The following CLINT1 variants were observed in gnomAD, a reference collection of about 807,000 sequenced individuals.
CLINT1 encodes clathrin interactor 1.
CLINT1 carries 15 observed loss-of-function variants against 70.4 expected under a neutral mutation model. The observed-to-expected ratio is 0.21, with a 90% CI of 0.14 to 0.33. The LOEUF is 0.33. Ranked by LOEUF, CLINT1 falls within the 10% of genes least tolerant of loss-of-function variation. The pLI, the probability that CLINT1 is intolerant of heterozygous loss-of-function variation, is 1.00. For synonymous variants in CLINT1, 227 were observed against 254.7 expected (o/e 0.89, Z 1.04); for missense variants, 615 against 778.1 (o/e 0.79, Z 2.49).
chr5:157,809,796 T>C lies in CLINT1; in HGVS notation c.527A>G (p.Tyr176Cys). The C allele has an allele frequency of 1.2e-6, 2 of 1,612,576 alleles. No individual in the cohort carries two copies. Among genetic ancestry groups the C allele is most frequent in the Non-Finnish European group, 8.5e-7 (1 of 1,179,282 alleles). The change falls in exon 6 of 12, where the codon TAT becomes TGT. Residue 176 changes from tyrosine (Y) to cysteine (C), a missense_variant. By Grantham distance (194) the Tyr-to-Cys change is radical (BLOSUM62 -2). Transcript: ENST00000411809. ...CCATTTTGATTTGGGCTCAGGATCATATCTTTCACCTAGATAGAGCATTAA... is the reference window on the plus strand; with the variant it reads ...CCATTTTGATTTGGGCTCAGGATCACATCTTTCACCTAGATAGAGCATTAA... ...SVGGFRYSER[Y>C]DPEPKSKWDE...
At chr5:157,792,764 T>C (rs1201454969) in intron 9 of CLINT1, among the ~76,000 whole-genome samples, 1 of 152,196 alleles carries the variant, frequency 6.6e-6, no homozygotes, top group Non-Finnish European at 1.5e-5. Context: ...AAATCCATAC[T>C]CTTAATCACT....
At chr5:157,809,511 AAG>A in intron 6 of CLINT1, 115 bp downstream of exon 6, 4 of 728,850 alleles carry the variant, frequency 5.5e-6, no homozygotes, top group East Asian at 3.1e-5. Context: ...AAAAAAAAAA[AAG>A]GCCCAATTTC....
Position 157,791,709 on chromosome 5 carries a change from T to G in CLINT1, c.1374A>C (p.Arg458Ser). The G allele has an allele frequency of 6.2e-7, 1 of 1,609,670 alleles. No homozygotes were observed. The highest frequency in any genetic ancestry group is 8.5e-7 in the Non-Finnish European group (1 of 1,177,454). Residue 458 changes from arginine (R) to serine (S), a missense_variant, in exon 10 of 12, where the codon AGA (arginine) becomes AGC (serine). Physicochemically the swap from Arg to Ser is moderately radical, Grantham distance 110 (BLOSUM62 -1). Transcript: ENST00000411809. ...NTVGLGLPMS[R>S]SQNTDMVQKS... ...AGGGAACCAGACAACTTACCTGTGA[T>G]CTTGACATAGGCAAACCAAGTCCCA...
At chr5:157,846,348 T>A (rs1360618520) in intron 1 of CLINT1, among the ~76,000 whole-genome samples, 2 of 151,562 alleles carry the variant, frequency 1.3e-5, no homozygotes, top group African/African-American at 4.9e-5. Context: ...ATGGAGAAAG[T>A]TTGAGTGGTT....
At chr5:157,794,702 A>T (rs1302224645) in intron 9 of CLINT1, among the ~76,000 whole-genome samples, 196 bp downstream of exon 9, 1 of 152,248 alleles carries the variant, frequency 6.6e-6, no homozygotes, top group South Asian at 2.1e-4. Flanking sequence ...GTACCTGAGT[A>T]GTCTGTAACC....
rs1392752555 is a variant in CLINT1, at chr5:157,787,870, T to C, written c.1654A>G (p.Ser552Gly). 6.2e-7 allele frequency: 1 copy of C among 1,613,774 alleles called. No individual in the cohort carries two copies. Among genetic ancestry groups the C allele is most frequent in the Admixed American group, 1.7e-5 (1 of 59,978 alleles). ...NALIGGPMPM[S>G]MPNVMTGTMG... is the part of the protein sequence containing the mutation. Reference sequence around the variant, plus strand: ...GTGCCAGTCATCACATTGGGCATGCTCATAGGCATGGGTCCCCCTATCAAA... The same window carrying C: ...GTGCCAGTCATCACATTGGGCATGCCCATAGGCATGGGTCCCCCTATCAAA... The change falls in exon 12 of 12, where the codon AGC (serine) becomes GGC (glycine). Residue 552 changes from serine to glycine, a missense_variant. This residue lies in a region of CLINT1 where 374 missense variants were observed against 409.6 expected (regional missense o/e 0.91). Transcript: ENST00000411809.
intron 8 of CLINT1, among the ~76,000 whole-genome samples, chr5:157,800,691 A>G (rs541931565): frequency 2.0e-5 from 3 of 152,298 alleles, no homozygotes; most frequent in African/African-American, 7.2e-5. Flanking sequence ...GAAACCTCCT[A>G]GATTTCATTC....
At chr5:157,849,578 T>C (rs1305522344) in intron 1 of CLINT1, among the ~76,000 whole-genome samples, 1 of 152,234 alleles carries the variant, frequency 6.6e-6, no homozygotes, top group Non-Finnish European at 1.5e-5. Context: ...GTTTACATGA[T>C]GTCTTGTAAA....
chr5:157,802,530 C>T (rs932572854), intron 8 of CLINT1, among the ~76,000 whole-genome samples: 1 of 150,138 alleles, frequency 6.7e-6, no homozygotes, highest in East Asian at 2.0e-4. Context: ...AGTTCTTTTG[C>T]TGTAGCCCTC....
intron 8 of CLINT1, among the ~76,000 whole-genome samples, chr5:157,801,898 G>GTTT (rs35066308): frequency 6.8e-6 from 1 of 146,310 alleles, no homozygotes; most frequent in Non-Finnish European, 1.5e-5. Context: ...TTAAGTTAAA[G>GTTT]TTTTTTTTTT....
At chr5:157,802,359 G>A (rs370123829) in intron 8 of CLINT1, among the ~76,000 whole-genome samples, 17 of 152,024 alleles carry the variant, frequency 1.1e-4, no homozygotes, top group Non-Finnish European at 1.8e-4. Flanking sequence ...ATTTTGACAC[G>A]TCACACAATA....
rs1365325919 is a variant in CLINT1, at chr5:157,858,511, CAG to C, written c.41+417_41+418del. 2.6e-5 allele frequency among the ~76,000 whole-genome samples: 4 copies of C among 152,320 alleles called. No homozygotes were observed. In the East Asian group the frequency reaches 5.8e-4, roughly 22 times the overall value. ...TCTCCGTACTACACCTTGAGGGACA[CAG>C]GGAACCAGTGCATTGTGCCCCCCAC... On this transcript the variant is annotated intron_variant, in intron 1 of 11. Transcript: ENST00000411809.
At chr5:157,844,310 C>T (rs1347297671) in intron 1 of CLINT1, among the ~76,000 whole-genome samples, 2 of 152,014 alleles carry the variant, frequency 1.3e-5, no homozygotes, top group African/African-American at 4.8e-5. Flanking sequence ...TAATATGGAC[C>T]TTCTTTCGTT....
intron 3 of CLINT1, among the ~76,000 whole-genome samples, chr5:157,815,749 A>C (rs756740043): frequency 6.6e-6 from 1 of 152,328 alleles, no homozygotes; most frequent in South Asian, 2.1e-4. Flanking sequence ...CTACACACTG[A>C]CAATCTATAA....
At chr5:157,850,455 C>T (rs1753533674) in intron 1 of CLINT1, among the ~76,000 whole-genome samples, 1 of 151,378 alleles carries the variant, frequency 6.6e-6, no homozygotes, top group South Asian at 2.1e-4. Flanking sequence ...CCTATCTCTA[C>T]AAAAAATTAG....
intron 11 of CLINT1, 57 bp downstream of exon 11, chr5:157,789,306 C>A: frequency 6.9e-7 from 1 of 1,445,838 alleles, no homozygotes. Context: ...GTAGTCCTGG[C>A]ATTAAGGCAA....
In CLINT1 at chr5:157,787,995, AC is replaced by A; in HGVS notation, c.1532-4del. The A allele has an allele frequency of 4.4e-6, 7 of 1,597,324 alleles. No homozygotes were observed. Among genetic ancestry groups the A allele is most frequent in the Non-Finnish European group, 6.0e-6 (7 of 1,170,646 alleles). On this transcript the variant is annotated splice_region_variant and splice_polypyrimidine_tract_variant and intron_variant, in intron 11 of 11. Transcript: ENST00000411809. ...CACATTCATAGGCTGCTGCATATCT[AC>A]CAGACGAAAACAGACAGAAGAACTT...
chr5:157,813,198 T>C lies in CLINT1; in HGVS notation c.382A>G (p.Ile128Val), dbSNP rs751527973. The C allele has an allele frequency of 6.2e-7, 1 of 1,613,506 alleles. No individual in the cohort carries two copies. Among genetic ancestry groups the C allele is most frequent in the Non-Finnish European group, 8.5e-7 (1 of 1,179,824 alleles). ...ACCAATTCCTTCACCTTCTGTCGAA[T>C]ATTTATACCTTGATCCTTACCATGC... is the stretch of plus-strand genomic sequence containing the variant. ...DEHGKDQGIN[I>V]RQKVKELVEF... Residue 128 changes from isoleucine to valine, a missense_variant, in exon 5 of 12, where the codon ATT becomes GTT. Transcript: ENST00000411809.
At chr5:157,819,611 G>A (rs1024690378) in intron 1 of CLINT1, among the ~76,000 whole-genome samples, 1 of 152,210 alleles carries the variant, frequency 6.6e-6, no homozygotes, top group Non-Finnish European at 1.5e-5. Context: ...ATGAATTTCA[G>A]AATGCTTTTG....
Sources: gnomAD v4.1 joint callset for allele counts (sites outside exome capture counted in the v4.1 genomes callset) on GRCh38, gnomAD v4.1.1 for gene constraint, gnomAD v4.1.1 regional missense constraint, MANE v1.5 for transcripts, NCBI Gene and HGNC (gene_info 2026-07-23, HGNC 2026-07-21) for gene names.